The following CD44 variants were observed in gnomAD, a reference collection of about 807,000 sequenced individuals.
The protein encoded by CD44 is CD44 molecule (IN blood group).
In CD44, 49 loss-of-function variants were observed where a neutral mutation model predicts 88.8. The observed-to-expected ratio is 0.55, with a 90% CI of 0.44 to 0.70. The LOEUF is 0.70. Ranked by LOEUF, CD44 falls within the 30% of genes least tolerant of loss-of-function variation. CD44 has a pLI of 0.00. For synonymous variants in CD44, 325 were observed against 312.3 expected, an observed-to-expected ratio of 1.04 and a Z score of -0.43; for missense variants, 883 against 913.8, an observed-to-expected ratio of 0.97 and a Z score of 0.43.
chr11:35,201,928 T>G, intron 9 of CD44, 141 bp downstream of exon 9: 1 of 932,136 alleles, frequency 1.1e-6, no homozygotes, highest in East Asian at 2.7e-5. Context: ...CCTGAAAAGC[T>G]GCTAAACCCG....
In CD44 at chr11:35,180,273, G is replaced by C; in HGVS notation, c.234-1G>C. 1.2e-6 allele frequency: 2 copies of C among 1,613,982 alleles called. No homozygotes were observed. Among genetic ancestry groups the C allele is most frequent in the Non-Finnish European group, 1.7e-6 (2 of 1,179,910 alleles). ...AATATCCTGTTGTTTTTCTCTTACA[G>C]GTATGGGTTCATAGAAGGGCACGTG... On this transcript the variant is annotated splice_acceptor_variant, in intron 2 of 17. Coordinates refer to ENST00000428726, the MANE Select transcript of CD44 (RefSeq NM_000610.4). LOFTEE classifies it high-confidence loss of function.
intron 1 of CD44, among the ~76,000 whole-genome samples, chr11:35,168,573 C>A (rs1943549929): frequency 6.6e-6 from 1 of 152,196 alleles, no homozygotes; most frequent in Admixed American, 6.5e-5. Flanking sequence ...GCTTTATTCT[C>A]ATCTTCATGA....
At chr11:35,204,011 C>T (rs1274452544) in intron 9 of CD44, among the ~76,000 whole-genome samples, 1 of 152,200 alleles carries the variant, frequency 6.6e-6, no homozygotes, top group Non-Finnish European at 1.5e-5. Flanking sequence ...ATCTTTCCTG[C>T]TGGGCAAATC....
chr11:35,172,858 A>G (rs1357029459), intron 1 of CD44, among the ~76,000 whole-genome samples: 1 of 152,194 alleles, frequency 6.6e-6, no homozygotes, highest in African/African-American at 2.4e-5. Flanking sequence ...GCAAAAAAAA[A>G]AATTTGAAAT....
rs1345151370 is a variant in CD44, at chr11:35,230,340, G to A, written c.*1007G>A. On this transcript the variant is annotated 3_prime_UTR_variant, in exon 18 of 18. Transcript: ENST00000428726. ...GGCCACCTGTTCTCTCCTGTGAAAG[G>A]CTTTGCAAAGTCACATTAAGTTTGC... is the stretch of plus-strand genomic sequence containing the variant. 6.6e-6 allele frequency: 1 copy of A among 152,132 alleles called. No individual in the cohort carries two copies. The highest frequency in any genetic ancestry group is 1.9e-4 in the East Asian group (1 of 5,194). The allele number at this position is 152,132 out of a possible 1,614,324, so 9.4% of individuals were successfully genotyped here.
chr11:35,205,931 A>T, intron 10 of CD44, 181 bp from the exon 11 acceptor site: 3 of 1,256,682 alleles, frequency 2.4e-6, no homozygotes, highest in Non-Finnish European at 3.0e-6. Context: ...GAAAATGAGC[A>T]TGAGTGAACC....
chr11:35,178,409 T>C (rs997513155), intron 2 of CD44, among the ~76,000 whole-genome samples: 1 of 152,186 alleles, frequency 6.6e-6, no homozygotes, highest in Non-Finnish European at 1.5e-5. Flanking sequence ...ATTTTATGGA[T>C]GAAGCAGCCG....
At chr11:35,178,776 T>A (rs1944709242) in intron 2 of CD44, among the ~76,000 whole-genome samples, 1 of 151,962 alleles carries the variant, frequency 6.6e-6, no homozygotes, top group Non-Finnish European at 1.5e-5. Context: ...TGGGGGTGAG[T>A]TGGTGGGTAG....
At chr11:35,208,251 C>A in intron 12 of CD44, 45 bp downstream of exon 12, 1 of 1,264,986 alleles carries the variant, frequency 7.9e-7, no homozygotes, top group Non-Finnish European at 1.2e-6. Context: ...TGTATTCCTG[C>A]TTCATCTCTT....
At chr11:35,185,319 T>C (rs1259592989) in intron 3 of CD44, among the ~76,000 whole-genome samples, 1 of 152,030 alleles carries the variant, frequency 6.6e-6, no homozygotes, top group African/African-American at 2.4e-5. Flanking sequence ...AAACTTTCTG[T>C]TTTTTTCCAA....
At chr11:35,220,064 G>T (rs950127065) in intron 16 of CD44, among the ~76,000 whole-genome samples, 3 of 152,178 alleles carry the variant, frequency 2.0e-5, no homozygotes, top group Non-Finnish European at 4.4e-5. Context: ...TCCTAAGGTT[G>T]TAAATTACCC....
chr11:35,165,297 A>G (rs1943132459), intron 1 of CD44, among the ~76,000 whole-genome samples: 1 of 152,220 alleles, frequency 6.6e-6, no homozygotes, highest in African/African-American at 2.4e-5. Flanking sequence ...ACCCAAGTTG[A>G]AAAGGCAGCA....
At chr11:35,145,903 G>C (rs192657855) in intron 1 of CD44, among the ~76,000 whole-genome samples, 1 of 152,196 alleles carries the variant, frequency 6.6e-6, no homozygotes, top group Admixed American at 6.5e-5. Flanking sequence ...GACATCCGAC[G>C]GGGAGCCACT....
chr11:35,226,880 C>CTTTTTTTTTTTTTTTTTTTTTTTTTTTCT (rs367551052), intron 17 of CD44, among the ~76,000 whole-genome samples: 1 of 106,212 alleles, frequency 9.4e-6, no homozygotes, highest in Non-Finnish European at 1.8e-5. Context: ...TTCTTTTTTC[C>CTTTTTTTTTTTTTTTTTTTTTTTTTTTCT]TTTTTTTTTT....
At position 35,142,413 on chromosome 11, in the gene CD44, C is replaced by T. The variant is rs75291317; in HGVS notation, c.67+3043C>T. 5.0e-3 allele frequency among the ~76,000 whole-genome samples: 757 copies of T among 152,262 alleles called. 21 individuals carry two copies. The East Asian group carries it at 0.05, about 10-fold the overall frequency. ...ACTTGGAACCAACCCAAATGTCCAA[C>T]AATGATAGACTGGGTGAGGGGATCT... is the stretch of plus-strand genomic sequence containing the variant. On this transcript the variant is annotated intron_variant, in intron 1 of 17. Coordinates refer to ENST00000428726, the MANE Select transcript of CD44 (RefSeq NM_000610.4).
intron 1 of CD44, among the ~76,000 whole-genome samples, chr11:35,162,915 C>T (rs1336874041): frequency 6.6e-6 from 1 of 152,080 alleles, no homozygotes; most frequent in Non-Finnish European, 1.5e-5. Flanking sequence ...CAGACATGTA[C>T]ACCCATGTTC....
intron 2 of CD44, among the ~76,000 whole-genome samples, chr11:35,178,241 A>G (rs533260802): frequency 6.6e-6 from 1 of 152,362 alleles, no homozygotes. Context: ...GCATACTTGC[A>G]AAATATAGAT....
chr11:35,150,507 T>A lies in CD44; in HGVS notation c.67+11137T>A, dbSNP rs77963058. On this transcript the variant is annotated intron_variant, in intron 1 of 17. Transcript: ENST00000428726. ...AAAGATTGCACGACTTAGGATTTTGTCAAAATGTGTCAGAGGCTATAATAT... is the reference window on the plus strand; with the variant it reads ...AAAGATTGCACGACTTAGGATTTTGACAAAATGTGTCAGAGGCTATAATAT... Among the ~76,000 whole-genome samples, 1,308 of 152,314 alleles carry A rather than the reference T, an allele frequency of 8.6e-3. 17 individuals are homozygous for A. The highest frequency in any genetic ancestry group is 0.03 in the African/African-American group (1,242 of 41,566).
At chr11:35,145,489 G>A (rs1424783236) in intron 1 of CD44, among the ~76,000 whole-genome samples, 2 of 152,268 alleles carry the variant, frequency 1.3e-5, no homozygotes, top group East Asian at 3.9e-4. Context: ...CCATCTGTTT[G>A]TTTGCGGCTT....
Sources: gnomAD v4.1 joint callset for allele counts (sites outside exome capture counted in the v4.1 genomes callset) on GRCh38, gnomAD v4.1.1 for gene constraint, MANE v1.5 for transcripts, NCBI Gene and HGNC (gene_info 2026-07-23, HGNC 2026-07-21) for gene names.